Variants in SPECC1 observed in about 807,000 individuals in gnomAD.
The protein encoded by SPECC1 is cytospin-B.
SPECC1 carries 62 observed loss-of-function variants against 104.1 expected under a neutral mutation model. The ratio of observed to expected loss-of-function variants is 0.60; its 90% CI spans 0.49 to 0.74. The LOEUF (loss-of-function observed/expected upper bound fraction) is 0.74. SPECC1 is among the 30% of genes least tolerant of loss of function. The pLI is 0.00. For synonymous variants in SPECC1, 513 were observed against 501.6 expected (o/e 1.02, Z -0.30); for missense variants, 1,306 against 1,310.5 (o/e 1.00, Z 0.05).
chr17:20,240,452 CTG>C (rs1258681460), intron 7 of SPECC1, among the ~76,000 whole-genome samples: 2 of 151,862 alleles, frequency 1.3e-5, no homozygotes, highest in African/African-American at 4.8e-5. Flanking sequence ...TTTATGTAAA[CTG>C]TTAGTGTTTT....
At chr17:20,289,677 G>A (rs1481856206) in intron 12 of SPECC1, among the ~76,000 whole-genome samples, 5 of 152,194 alleles carry the variant, frequency 3.3e-5, no homozygotes, top group East Asian at 1.9e-4. Context: ...CAGTGCACAC[G>A]GCTTTGAATT....
intron 1 of SPECC1, among the ~76,000 whole-genome samples, chr17:20,042,135 T>C (rs1411748723): frequency 6.6e-6 from 1 of 152,204 alleles, no homozygotes; most frequent in East Asian, 1.9e-4. Context: ...TTGAACACCA[T>C]TGTAGTAGAA....
chr17:20,031,533 T>C (rs1041881453), intron 1 of SPECC1, among the ~76,000 whole-genome samples: 5 of 152,228 alleles, frequency 3.3e-5, no homozygotes, highest in Non-Finnish European at 7.4e-5. Flanking sequence ...TGTTAATCAT[T>C]TTTAAGTATA....
chr17:20,212,171 G>A (rs952226748), intron 4 of SPECC1, among the ~76,000 whole-genome samples: 1 of 152,160 alleles, frequency 6.6e-6, no homozygotes, highest in Non-Finnish European at 1.5e-5. Context: ...CCTTGGTGGA[G>A]CAGCATTGGC....
At chr17:20,242,451 C>T (rs555729023) in intron 7 of SPECC1, among the ~76,000 whole-genome samples, 1 of 152,348 alleles carries the variant, frequency 6.6e-6, no homozygotes, top group East Asian at 1.9e-4. Flanking sequence ...GTGTGCATCA[C>T]CTGCTGTGTG....
At chr17:20,243,148 GTTTA>G (rs1304613604) in intron 7 of SPECC1, among the ~76,000 whole-genome samples, 2 of 152,144 alleles carry the variant, frequency 1.3e-5, no homozygotes, top group African/African-American at 4.8e-5. Flanking sequence ...TATTTTCATG[GTTTA>G]TTTGACTACA....
chr17:20,045,081 C>T (rs62067483), intron 1 of SPECC1, among the ~76,000 whole-genome samples: 34,468 of 152,202 alleles, frequency 0.23, 4,763 homozygotes, highest in Middle Eastern at 0.35. Flanking sequence ...TATAGATATA[C>T]AACTTAGTAA....
chr17:20,142,809 G>A (rs2030978695), intron 3 of SPECC1, among the ~76,000 whole-genome samples: 1 of 146,952 alleles, frequency 6.8e-6, no homozygotes, highest in Non-Finnish European at 1.5e-5. Flanking sequence ...GGCTGACACA[G>A]TGAAAGCCTA....
chr17:20,055,657 T>G (rs893889739), intron 1 of SPECC1, among the ~76,000 whole-genome samples: 1 of 152,226 alleles, frequency 6.6e-6, no homozygotes, highest in African/African-American at 2.4e-5. Flanking sequence ...CTATACATGA[T>G]CATAACTTCA....
intron 3 of SPECC1, among the ~76,000 whole-genome samples, chr17:20,116,060 A>G (rs539862774): frequency 6.6e-6 from 1 of 151,980 alleles, no homozygotes; most frequent in Non-Finnish European, 1.5e-5. Flanking sequence ...AGACTATAAT[A>G]TATCAATAAC....
intron 1 of SPECC1, among the ~76,000 whole-genome samples, chr17:20,057,163 C>T (rs1474436942): frequency 2.0e-5 from 3 of 152,120 alleles, no homozygotes; most frequent in South Asian, 2.1e-4. Context: ...AAAGGTTGGC[C>T]GGGTGCGGTG....
chr17:20,067,779 T>G (rs2046408642), intron 1 of SPECC1, among the ~76,000 whole-genome samples: 1 of 152,178 alleles, frequency 6.6e-6, no homozygotes, highest in East Asian at 1.9e-4. Flanking sequence ...TGTTTGTATC[T>G]TCACAAAGTT....
chr17:20,216,950 G>T (rs1036308054), intron 4 of SPECC1, among the ~76,000 whole-genome samples: 1 of 151,796 alleles, frequency 6.6e-6, no homozygotes, highest in Non-Finnish European at 1.5e-5. Context: ...CTTGAGCCCC[G>T]GAGTTCAGCC....
rs1029400909 is a variant in SPECC1, at chr17:20,155,877, G to A, written c.283+45315G>A. The A allele has an allele frequency of 5.4e-6, 6 of 1,105,128 alleles. No individual in the cohort carries two copies. The African/African-American group carries it at 9.7e-5, about 18-fold the overall frequency. 68.5% of individuals were successfully genotyped at this position (1,105,128 alleles called of 1,614,324 possible). On this transcript the variant is annotated intron_variant, in intron 3 of 14. Coordinates refer to ENST00000395527, the MANE Select transcript of SPECC1 (RefSeq NM_001243439.2). Reference sequence around the variant, plus strand: ...GCAGCCAAGAAGGAAATACAGATGAGGTGGGCGGACAGTATGCAGATGACG... The same window carrying A: ...GCAGCCAAGAAGGAAATACAGATGAAGTGGGCGGACAGTATGCAGATGACG...
intron 2 of SPECC1, among the ~76,000 whole-genome samples, chr17:20,104,658 G>A (rs573667353): frequency 2.1e-5 from 3 of 141,362 alleles, no homozygotes; most frequent in Middle Eastern, 3.9e-3. Flanking sequence ...CAGGAGAATC[G>A]TTCAAATCTG....
At chr17:20,253,353 A>G in intron 9 of SPECC1, 152 bp from the exon 10 acceptor site, 1 of 639,482 alleles carries the variant, frequency 1.6e-6, no homozygotes, top group Non-Finnish European at 2.7e-6. Context: ...TGTATTACCT[A>G]TTCAAATAAA....
chr17:20,293,204 C>CTT (rs5819701), intron 12 of SPECC1, among the ~76,000 whole-genome samples: 1 of 144,884 alleles, frequency 6.9e-6, no homozygotes, highest in African/African-American at 2.5e-5. Context: ...AGATTATAGG[C>CTT]TTTTTTTTTT....
At position 20,036,181 on chromosome 17, in the gene SPECC1, T is replaced by A. The variant is rs184019675; in HGVS notation, c.-22+26757T>A. 1.1e-4 allele frequency among the ~76,000 whole-genome samples: 17 copies of A among 152,120 alleles called. No homozygotes were observed. In the East Asian group the frequency reaches 3.3e-3, roughly 29 times the overall value. On this transcript the variant is annotated intron_variant, in intron 1 of 14. Transcript: ENST00000395527. The stretch of plus-strand genomic sequence containing the variant: ...ATGGAGTCTCACTCTGTCACCAGGC[T>A]GGAATGCAGTGGCACCCAGCTCACT...
intron 1 of SPECC1, among the ~76,000 whole-genome samples, chr17:20,084,611 G>A (rs9897653): frequency 0.49 from 74,815 of 151,952 alleles, 19,015 homozygotes; most frequent in Middle Eastern, 0.6. Context: ...AATTTTGACA[G>A]TATCCCATTA....
Sources: allele counts gnomAD v4.1 joint callset (sites outside exome capture counted in the v4.1 genomes callset), GRCh38; gene constraint gnomAD v4.1.1; transcripts MANE v1.5; gene names NCBI Gene and HGNC (gene_info 2026-07-23, HGNC 2026-07-21).